The following DHRSX variants were observed in gnomAD, a reference collection of about 807,000 sequenced individuals.
DHRSX encodes polyprenol dehydrogenase.
A neutral mutation model predicts 34.0 loss-of-function variants in DHRSX; 31 were observed. The ratio of observed to expected loss-of-function variants is 0.91; its 90% confidence interval spans 0.69 to 1.23. DHRSX has a LOEUF of 1.23. DHRSX is among the 50% of genes most tolerant of loss of function. The pLI, the probability that DHRSX is intolerant of heterozygous loss-of-function variation, is 0.00. For missense variants in DHRSX, 414 were observed against 428.1 expected, an observed-to-expected ratio of 0.97 and a Z score of 0.29; for synonymous variants, 201 against 183.8, an observed-to-expected ratio of 1.09 and a Z score of -0.76.
intron 3 of DHRSX, among the ~76,000 whole-genome samples, chrX:2,296,864 C>G (rs111787552): frequency 3.6e-5 from 1 of 27,642 alleles, no homozygotes; most frequent in African/African-American, 1.3e-4. Context: ...CCCAGGCAGA[C>G]AGGAATAGGA....
intron 1 of DHRSX, among the ~76,000 whole-genome samples, chrX:2,430,942 G>A (rs1417381860): frequency 6.6e-5 from 10 of 152,102 alleles, no homozygotes; most frequent in Admixed American, 3.9e-4. Context: ...AGAGGATCAC[G>A]CAAGACTGGG....
intron 1 of DHRSX, among the ~76,000 whole-genome samples, chrX:2,492,552 A>G (rs2045179485): frequency 6.6e-6 from 1 of 151,538 alleles, no homozygotes; most frequent in African/African-American, 2.4e-5. Flanking sequence ...TGTAGATCTC[A>G]TGAGTTAAGG....
chrX:2,350,652 G>A (rs925406261), intron 3 of DHRSX, among the ~76,000 whole-genome samples: 2 of 152,058 alleles, frequency 1.3e-5, no homozygotes, highest in African/African-American at 4.8e-5. Context: ...CTGCAGTCTG[G>A]GTACAACTGT....
At chrX:2,259,847 C>T (rs2041339564) in intron 5 of DHRSX, among the ~76,000 whole-genome samples, 1 of 147,544 alleles carries the variant, frequency 6.8e-6, no homozygotes, top group South Asian at 2.2e-4. Context: ...GGATACCGGT[C>T]AGTGGATTTA....
At chrX:2,351,974 C>G (rs2042793888) in intron 3 of DHRSX, among the ~76,000 whole-genome samples, 1 of 152,186 alleles carries the variant, frequency 6.6e-6, no homozygotes, top group South Asian at 2.1e-4. Flanking sequence ...CCCGCCTCGG[C>G]CTCCCAAAGT....
Position 2,374,944 on chromosome X carries a change from T to C in DHRSX, c.286+33801A>G, listed in dbSNP as rs1401316268. Among the ~76,000 whole-genome samples, 5 of 136,162 alleles carry C rather than the reference T, an allele frequency of 3.7e-5. 1 individual carries two copies. Among genetic ancestry groups the C allele is most frequent in the African/African-American group, 1.2e-4 (5 of 40,356 alleles). The allele number at this position is 136,162 out of a possible 152,430, so 89.3% of individuals were successfully genotyped here. A position where few individuals can be genotyped will look rare whatever the true frequency, so the allele number is the denominator to read the frequency against. On this transcript the variant is annotated intron_variant, in intron 3 of 6. Coordinates refer to ENST00000334651, the MANE Select transcript of DHRSX (RefSeq NM_145177.3). ...AATAGCTGGGTGTTGGTGGCATGTA[T>C]GTGTAGTCTCAGCTACATAGGAGGC...
chrX:2,435,452 C>A, intron 1 of DHRSX, among the ~76,000 whole-genome samples: 1 of 115,418 alleles, frequency 8.7e-6, no homozygotes, highest in African/African-American at 4.3e-5. Context: ...AAAGTAAAAA[C>A]CTTAATTGGA....
chrX:2,246,689 A>AAAGAAAG (rs1319511098), intron 5 of DHRSX, among the ~76,000 whole-genome samples: 1 of 135,184 alleles, frequency 7.4e-6, no homozygotes, highest in African/African-American at 3.0e-5. Flanking sequence ...AAAGAAAAAG[A>AAAGAAAG]AAAGAAAAGA....
At chrX:2,266,219 C>T (rs186149270) in intron 5 of DHRSX, among the ~76,000 whole-genome samples, 1 of 141,708 alleles carries the variant, frequency 7.1e-6, no homozygotes, top group Non-Finnish European at 1.5e-5. Context: ...GCAGGGAGCA[C>T]TGTCCCCAGA....
chrX:2,302,315 G>T (rs1461599826), intron 3 of DHRSX, among the ~76,000 whole-genome samples: 1 of 151,988 alleles, frequency 6.6e-6, no homozygotes. Flanking sequence ...TTTCCTTAGA[G>T]AAATACAGTT....
In DHRSX at chrX:2,467,939, G is replaced by A. The variant is rs2044521677; in HGVS notation, c.109+32878C>T. ...GATCACACCACTGCACTCCAGCCTG[G>A]GCGACACAGTAAAACTCCGTCTCAA... On this transcript the variant is annotated intron_variant, in intron 1 of 6. Coordinates refer to ENST00000334651, the MANE Select transcript of DHRSX (RefSeq NM_145177.3). 4.0e-5 allele frequency among the ~76,000 whole-genome samples: 6 copies of A among 149,772 alleles called. No individual in the cohort carries two copies. The South Asian group carries it at 1.3e-3, about 32-fold the overall frequency.
At chrX:2,322,100 T>C (rs777492478) in intron 3 of DHRSX, among the ~76,000 whole-genome samples, 1 of 152,090 alleles carries the variant, frequency 6.6e-6, no homozygotes, top group South Asian at 2.1e-4. Flanking sequence ...ACCCTATTTG[T>C]AGTGTTTATC....
chrX:2,327,103 G>A (rs2042396334), intron 3 of DHRSX, among the ~76,000 whole-genome samples: 2 of 152,148 alleles, frequency 1.3e-5, no homozygotes, highest in Admixed American at 6.6e-5. Flanking sequence ...GTGAGCCACC[G>A]TGCCCGACCA....
At chrX:2,428,538 C>T (rs1208067244) in intron 1 of DHRSX, among the ~76,000 whole-genome samples, 1 of 152,124 alleles carries the variant, frequency 6.6e-6, no homozygotes, top group African/African-American at 2.4e-5. Flanking sequence ...CCAAACACCA[C>T]ATGTTCTCAC....
At chrX:2,358,236 A>G (rs1008596713) in intron 3 of DHRSX, among the ~76,000 whole-genome samples, 21 of 152,196 alleles carry the variant, frequency 1.4e-4, no homozygotes, top group African/African-American at 5.1e-4. Context: ...AATGAGAGAA[A>G]GTATCTGCCA....
intron 3 of DHRSX, among the ~76,000 whole-genome samples, chrX:2,329,177 G>A (rs1235633790): frequency 6.6e-6 from 1 of 152,130 alleles, no homozygotes; most frequent in African/African-American, 2.4e-5. Context: ...AGGCAGTGGG[G>A]CTCTACCTAA....
chrX:2,265,655 A>G, intron 5 of DHRSX, among the ~76,000 whole-genome samples: 1 of 141,322 alleles, frequency 7.1e-6, no homozygotes, highest in East Asian at 2.2e-4. Context: ...AGACGCAGGG[A>G]GCACTGTACC....
chrX:2,320,210 T>C (rs2042291518), intron 3 of DHRSX, among the ~76,000 whole-genome samples: 1 of 151,820 alleles, frequency 6.6e-6, no homozygotes, highest in Non-Finnish European at 1.5e-5. Flanking sequence ...ACACAGAACT[T>C]GCCCATTCAT....
At chrX:2,447,599 C>T (rs1407569369) in intron 1 of DHRSX, among the ~76,000 whole-genome samples, 8 of 152,082 alleles carry the variant, frequency 5.3e-5, no homozygotes, top group Non-Finnish European at 1.2e-4. Context: ...CACTGCAGCA[C>T]TACTCACAGT....
Sources: allele counts gnomAD v4.1 joint callset (sites outside exome capture counted in the v4.1 genomes callset), GRCh38; gene constraint gnomAD v4.1.1; transcripts MANE v1.5; gene names NCBI Gene and HGNC (gene_info 2026-07-23, HGNC 2026-07-21).